ARFGAP1: variants seen among roughly 807,000 people sequenced by gnomAD.
The protein encoded by ARFGAP1 is ADP-ribosylation factor GTPase-activating protein 1.
ARFGAP1 carries 26 observed loss-of-function variants against 54.0 expected under a neutral mutation model. That is an observed-to-expected ratio of 0.48 (90% CI 0.35 to 0.67). ARFGAP1 has a LOEUF of 0.67. Among genes scored for constraint, ARFGAP1 ranks in the 30% least tolerant of loss-of-function variants. ARFGAP1 has a pLI of 0.00. For synonymous variants in ARFGAP1, 248 were observed against 211.9 expected (o/e 1.17, Z -1.48); for missense variants, 525 against 535.8 (o/e 0.98, Z 0.20).
chr20:63,275,360 C>A (rs937104671), intron 1 of ARFGAP1, among the ~76,000 whole-genome samples: 2 of 152,196 alleles, frequency 1.3e-5, no homozygotes, highest in Admixed American at 6.5e-5. Context: ...GCCCTGGCCG[C>A]AGCCTGGGAG....
Position 63,288,065 on chromosome 20 carries a change from C to T in ARFGAP1, c.*192C>T, listed in dbSNP as rs922435817. 4 of 680,852 alleles carry T rather than the reference C, an allele frequency of 5.9e-6. No individual in the cohort carries two copies. Among genetic ancestry groups the T allele is most frequent in the Admixed American group, 2.9e-5 (1 of 34,572 alleles). The allele number at this position is 680,852 out of a possible 1,614,324, so 42.2% of individuals were successfully genotyped here. A position where few individuals can be genotyped will look rare whatever the true frequency, so the allele number is the denominator to read the frequency against. ...GTGGGGAGTCTTCGGTGCGTGGGGGCGGCTTGCTGTCCAGCCTGTGTGGGG... is the reference window on the plus strand; with the variant it reads ...GTGGGGAGTCTTCGGTGCGTGGGGGTGGCTTGCTGTCCAGCCTGTGTGGGG... On this transcript the variant is annotated 3_prime_UTR_variant, in exon 13 of 13. Transcript: ENST00000370283.
At position 63,287,636 on chromosome 20, in the gene ARFGAP1, C is replaced by T. The variant is rs769355652; in HGVS notation, c.984C>T (p.Phe328=). The T allele has an allele frequency of 1.2e-6, 2 of 1,612,672 alleles. No homozygotes were observed. Among genetic ancestry groups the T allele is most frequent in the Non-Finnish European group, 8.5e-7 (1 of 1,179,950 alleles). Residue 328 remains phenylalanine (F), a synonymous_variant, in exon 13 of 13, where the codon TTC becomes TTT. Coordinates refer to ENST00000370283, the MANE Select transcript of ARFGAP1 (RefSeq NM_018209.4). The stretch of plus-strand genomic sequence containing the variant: ...AAAACAGCAACATAGACCAGAGCTT[C>T]TGGGAGACCTTTGGAAGTGCTGAGC... ...HFQNSNIDQS[F]WETFGSAEPT... is the part of the protein sequence containing the mutation.
At chr20:63,283,985 A>G (rs1041721402) in intron 9 of ARFGAP1, 6 of 1,552,530 alleles carry the variant, frequency 3.9e-6, no homozygotes, top group Admixed American at 3.5e-5. Context: ...GTCACCTCAC[A>G]TGTGCGCACG....
At chr20:63,284,943 G>T in intron 10 of ARFGAP1, 21 bp downstream of exon 10, 1 of 1,612,750 alleles carries the variant, frequency 6.2e-7, no homozygotes, top group Non-Finnish European at 8.5e-7. Context: ...GCTCCGGGTG[G>T]TTGTGCCTGG....
rs143471297 is a variant in ARFGAP1 at position 63,285,907 on chromosome 20, C to T, written c.834+194C>T. 1.0e-5 allele frequency: 15 copies of T among 1,453,670 alleles called. No individual in the cohort carries two copies. The East Asian group carries it at 1.5e-4, about 14-fold the overall frequency. 90.0% of individuals were successfully genotyped at this position (1,453,670 alleles called of 1,614,324 possible). ...GGAAACAACTTGGCCCACTGCGGCC[C>T]GGTCAGCCACTAACTGTCACTTCTC... is the stretch of plus-strand genomic sequence containing the variant. On this transcript the variant is annotated intron_variant, in intron 11 of 12. Transcript: ENST00000370283.
rs760854686 is a variant in ARFGAP1, at chr20:63,281,279, C to T, written c.628-12C>T. 6.9e-6 allele frequency: 11 copies of T among 1,595,014 alleles called. No homozygotes were observed. The highest frequency in any genetic ancestry group is 4.0e-5 in the African/African-American group (3 of 74,798). On this transcript the variant is annotated splice_polypyrimidine_tract_variant and intron_variant, in intron 7 of 12. Coordinates refer to ENST00000370283, the MANE Select transcript of ARFGAP1 (RefSeq NM_018209.4). ...CAGTCCTGATGTGGCTGCTCTTTGT[C>T]GCCTCCCTCAGGGCTGGAGCAGCTT...
At chr20:63,285,066 T>C in intron 10 of ARFGAP1, 144 bp downstream of exon 10, 1 of 1,014,824 alleles carries the variant, frequency 9.9e-7, no homozygotes, top group Non-Finnish European at 1.5e-6. Context: ...AGCACAGGCG[T>C]CCTCCTCGGG....
In ARFGAP1 at chr20:63,281,332, G is replaced by C. The variant is rs949677367; in HGVS notation, c.669G>C (p.Ser223=). 6.3e-7 allele frequency: 1 copy of C among 1,599,534 alleles called. No individual in the cohort carries two copies. The highest frequency in any genetic ancestry group is 1.1e-5 in the South Asian group (1 of 89,856). The change falls in exon 8 of 13, where the codon TCG becomes TCC. Residue 223 remains serine, a synonymous_variant. Transcript: ENST00000370283. ...SFTTGASRFA[S]AAKEGATKFG... is the part of the protein sequence containing the mutation. ...CCACTGGAGCCAGCCGGTTTGCCTCGGCAGCCAAGGAGGGCGTAAGTCACT... is the reference window on the plus strand; with the variant it reads ...CCACTGGAGCCAGCCGGTTTGCCTCCGCAGCCAAGGAGGGCGTAAGTCACT...
At chr20:63,284,318 C>T (rs1456499923) in intron 9 of ARFGAP1, 7 of 1,086,312 alleles carry the variant, frequency 6.4e-6, no homozygotes, top group African/African-American at 4.9e-5. Context: ...ATCCGTGCTG[C>T]TCCCTGCCTT....
intron 7 of ARFGAP1, 126 bp downstream of exon 7, chr20:63,279,121 C>T: frequency 2.1e-6 from 2 of 938,574 alleles, no homozygotes; most frequent in East Asian, 2.6e-5. Flanking sequence ...TCTAAGGACC[C>T]CTCCCTTACC....
At chr20:63,284,111 C>T in intron 9 of ARFGAP1, 2 of 1,328,652 alleles carry the variant, frequency 1.5e-6, no homozygotes, top group East Asian at 3.0e-5. Context: ...TCCCCCCGGG[C>T]AAAAAAATGA....
chr20:63,281,404 G>C (rs1008303938), intron 8 of ARFGAP1, 57 bp downstream of exon 8: 2 of 1,539,620 alleles, frequency 1.3e-6, no homozygotes, highest in African/African-American at 1.4e-5. Context: ...GACACTGGCT[G>C]CTGCTGGCCT....
chr20:63,278,412 G>C (rs1482647493), intron 6 of ARFGAP1: 3 of 522,796 alleles, frequency 5.7e-6, no homozygotes, highest in Non-Finnish European at 1.0e-5. Flanking sequence ...AGCCAGCCCA[G>C]GTGTGAATTG....
chr20:63,284,528 C>A, intron 9 of ARFGAP1: 1 of 1,186,300 alleles, frequency 8.4e-7, no homozygotes, highest in Non-Finnish European at 1.1e-6. Flanking sequence ...CATGGGGTGG[C>A]TGCAGCCGGC....
At chr20:63,277,779 G>A (rs969179454) in intron 5 of ARFGAP1, among the ~76,000 whole-genome samples, 4 of 152,212 alleles carry the variant, frequency 2.6e-5, no homozygotes, top group African/African-American at 4.8e-5. Flanking sequence ...CCACATCCAC[G>A]TGCTTCTGAC....
At position 63,289,196 on chromosome 20, in the gene ARFGAP1, G is replaced by C. The variant is rs772453101; in HGVS notation, c.*1323G>C. On this transcript the variant is annotated 3_prime_UTR_variant, in exon 13 of 13. Transcript: ENST00000370283. ...TTGATCACCGAAGCAGCCACCTGCT[G>C]TAGTTGGACCTGAGGTCAGAGGCGG... 1 of 152,892 alleles carries C rather than the reference G, an allele frequency of 6.5e-6. No homozygotes were observed. Among genetic ancestry groups the C allele is most frequent in the Non-Finnish European group, 1.5e-5 (1 of 68,548 alleles). The allele number at this position is 152,892 out of a possible 1,614,324, so 9.5% of individuals were successfully genotyped here.
intron 9 of ARFGAP1, chr20:63,284,190 C>CG: frequency 1.6e-6 from 2 of 1,285,384 alleles, no homozygotes; most frequent in Non-Finnish European, 2.0e-6. Context: ...GGAGGGAGGG[C>CG]GGGGGCACTG....
chr20:63,279,201 T>C, intron 7 of ARFGAP1: 2 of 375,608 alleles, frequency 5.3e-6, no homozygotes, highest in Non-Finnish European at 1.0e-5. Context: ...ATCACTTCCT[T>C]TTTTTTTTTT....
Position 63,276,410 on chromosome 20 carries a change from C to A in ARFGAP1, c.171-70C>A, listed in dbSNP as rs118130353. 6.4e-7 allele frequency: 1 copy of A among 1,550,528 alleles called. No individual in the cohort carries two copies. Among genetic ancestry groups the A allele is most frequent in the Non-Finnish European group, 8.8e-7 (1 of 1,141,690 alleles). ...TGCTTGCTGTGTCTAATTCTCAGGA[C>A]GATGCTGGGTGGAGGGTGTCCCTGG... is the stretch of plus-strand genomic sequence containing the variant. On this transcript the variant is annotated intron_variant, in intron 3 of 12. Transcript: ENST00000370283. The surrounding 1 kb of genome is among the most constrained non-coding windows in gnomAD (Gnocchi z 5.2).
Sources: gnomAD v4.1 joint callset for allele counts (sites outside exome capture counted in the v4.1 genomes callset) on GRCh38, gnomAD v4.1.1 for gene constraint, Gnocchi (gnomAD v3.1) non-coding constraint, MANE v1.5 for transcripts, NCBI Gene and HGNC (gene_info 2026-07-23, HGNC 2026-07-21) for gene names.